ITGAE: variants seen among roughly 807,000 people sequenced by gnomAD.
ITGAE encodes integrin alpha-E.
ITGAE carries 99 observed loss-of-function variants against 136.5 expected under a neutral mutation model. The observed-to-expected ratio is 0.73, with a 90% CI of 0.62 to 0.86. ITGAE has a LOEUF of 0.86. Ranked by LOEUF, ITGAE falls within the 40% of genes least tolerant of loss-of-function variation. The pLI, the probability that ITGAE is intolerant of heterozygous loss-of-function variation, is 0.00. For missense variants in ITGAE, 1,447 were observed against 1,515.3 expected, an observed-to-expected ratio of 0.95 and a Z score of 0.75; for synonymous variants, 613 against 591.8, an observed-to-expected ratio of 1.04 and a Z score of -0.52.
intron 18 of ITGAE, among the ~76,000 whole-genome samples, 199 bp from the exon 19 acceptor site, chr17:3,743,816 C>T (rs2051648075): frequency 6.8e-6 from 1 of 147,900 alleles, no homozygotes; most frequent in Non-Finnish European, 1.5e-5. Context: ...GATTCTCCTA[C>T]CTCAGCCGCC....
chr17:3,718,728 A>C (rs527943790), intron 29 of ITGAE, among the ~76,000 whole-genome samples: 2 of 152,358 alleles, frequency 1.3e-5, no homozygotes, highest in East Asian at 3.9e-4. Context: ...AAATGTGCAC[A>C]TAAGAAACTT....
chr17:3,720,217 C>T, intron 29 of ITGAE, 90 bp downstream of exon 29: 1 of 674,270 alleles, frequency 1.5e-6, no homozygotes, highest in Non-Finnish European at 2.7e-6. Context: ...AGGCTGAAAA[C>T]AGGAAGAGGG....
Position 3,777,678 on chromosome 17 carries a change from G to A in ITGAE, c.35-18C>T. On this transcript the variant is annotated intron_variant, in intron 1 of 30. Coordinates refer to ENST00000263087, the MANE Select transcript of ITGAE (RefSeq NM_002208.5). ...GGCCAGGCCTGTAGGGAAAAGAGGA[G>A]CGTTTAATGAAAGAGGCCTTTTACT... 6.3e-7 allele frequency: 1 copy of A among 1,594,890 alleles called. No individual in the cohort carries two copies. The highest frequency in any genetic ancestry group is 8.5e-7 in the Non-Finnish European group (1 of 1,170,364).
intron 26 of ITGAE, 64 bp from the exon 27 acceptor site, chr17:3,723,808 C>A: frequency 6.3e-7 from 1 of 1,582,216 alleles, no homozygotes; most frequent in South Asian, 1.1e-5. Context: ...CCGTCCCGTC[C>A]CGGCCCCGGC....
intron 20 of ITGAE, among the ~76,000 whole-genome samples, chr17:3,736,125 A>G (rs983932811): frequency 5.9e-5 from 9 of 152,098 alleles, no homozygotes; most frequent in Non-Finnish European, 1.3e-4. Context: ...CCTGGGTGAC[A>G]GCATGAGACT....
At chr17:3,787,834 C>CCCG (rs1451277537) in intron 1 of ITGAE, among the ~76,000 whole-genome samples, 1 of 151,712 alleles carries the variant, frequency 6.6e-6, no homozygotes, top group Non-Finnish European at 1.5e-5. Context: ...ATTACAGATG[C>CCCG]CCGCCACCAC....
intron 1 of ITGAE, among the ~76,000 whole-genome samples, chr17:3,785,506 GGA>G: frequency 7.9e-6 from 1 of 125,840 alleles, no homozygotes; most frequent in African/African-American, 3.7e-5. Context: ...GAGGAAGGAA[GGA>G]AGGAAGGAAG....
At chr17:3,724,660 G>C (rs1224363760) in intron 26 of ITGAE, 1 of 1,614,220 alleles carries the variant, frequency 6.2e-7, no homozygotes, top group Admixed American at 1.7e-5. Flanking sequence ...GCCAGCCTCA[G>C]GTCAGTTCTC....
At chr17:3,749,125 C>T (rs2051794513) in intron 16 of ITGAE, among the ~76,000 whole-genome samples, 1 of 151,272 alleles carries the variant, frequency 6.6e-6, no homozygotes. Context: ...GGAAAAGAGG[C>T]ATCAAAGATG....
At chr17:3,796,121 C>CTG (rs72002948) in intron 1 of ITGAE, among the ~76,000 whole-genome samples, 2,657 of 131,706 alleles carry the variant, frequency 0.02, 154 homozygotes, top group African/African-American at 0.072. Context: ...GTGTGCATCC[C>CTG]TGTGTGTGCA....
At position 3,750,389 on chromosome 17, in the gene ITGAE, T is replaced by C. The variant is rs762633875; in HGVS notation, c.1987A>G (p.Ile663Val). 6.2e-7 allele frequency: 1 copy of C among 1,614,186 alleles called. No individual in the cohort carries two copies. The highest frequency in any genetic ancestry group is 2.2e-5 in the East Asian group (1 of 44,886). The change falls in exon 16 of 31, where the codon ATC (isoleucine) becomes GTC (valine). Residue 663 changes from isoleucine (I) to valine (V), a missense_variant. By Grantham distance (29) the Ile-to-Val change is conservative. This residue lies in a region of ITGAE where 1,031 missense variants were observed against 1,011.4 expected (regional missense o/e 1.02). Transcript: ENST00000263087. ...FDISGDGLAD[I>V]TVGTLGQAVV... Reference sequence around the variant, plus strand: ...GCCTGGCCCAGAGTGCCCACGGTGATGTCGGCAAGGCCGTCGCCACTAATA... The same window carrying C: ...GCCTGGCCCAGAGTGCCCACGGTGACGTCGGCAAGGCCGTCGCCACTAATA...
intron 15 of ITGAE, 140 bp from the exon 16 acceptor site, chr17:3,750,622 GAGCA>G: frequency 1.0e-6 from 1 of 993,366 alleles, no homozygotes. Context: ...AGGAAAGAGG[GAGCA>G]AGCTTTCCCA....
At chr17:3,730,894 T>C (rs1278206434) in intron 23 of ITGAE, among the ~76,000 whole-genome samples, 1 of 152,188 alleles carries the variant, frequency 6.6e-6, no homozygotes, top group Non-Finnish European at 1.5e-5. Flanking sequence ...AGTTTTACTT[T>C]GTGTGTGAAC....
In ITGAE at chr17:3,728,022, T is replaced by C; in HGVS notation, c.2981A>G (p.His994Arg). ...TTCTGCTCCAAAGAGGTTCTCCCCA[T>C]GTACCTGCAAATTAAAATCAGAGTA... ...SHHKEFLFHV[H>R]GENLFGAEYQ... Residue 994 changes from histidine (H) to arginine (R), a missense_variant, in exon 26 of 31, where the codon CAT becomes CGT. Transcript: ENST00000263087. 1.2e-6 allele frequency: 2 copies of C among 1,613,424 alleles called. No homozygotes were observed. Among genetic ancestry groups the C allele is most frequent in the Non-Finnish European group, 1.7e-6 (2 of 1,179,332 alleles).
intron 2 of ITGAE, among the ~76,000 whole-genome samples, chr17:3,770,871 G>A (rs970129570): frequency 1.3e-5 from 2 of 152,142 alleles, no homozygotes; most frequent in Non-Finnish European, 2.9e-5. Flanking sequence ...TGTGAATGTC[G>A]GTGGGACCTG....
intron 1 of ITGAE, among the ~76,000 whole-genome samples, chr17:3,788,726 A>AAAAATAATAATTATTAAAATAATTATTT (rs1567559606): frequency 2.8e-5 from 4 of 143,382 alleles, no homozygotes; most frequent in African/African-American, 1.0e-4. Context: ...ATAATTATTT[A>AAAAATAATAATTATTAAAATAATTATTT]AAAATAATAA....
chr17:3,790,469 T>G (rs2052911225), intron 1 of ITGAE, among the ~76,000 whole-genome samples: 2 of 151,688 alleles, frequency 1.3e-5, no homozygotes, highest in African/African-American at 2.4e-5. Context: ...ATCGCACCAC[T>G]GCACTCCAGC....
intron 1 of ITGAE, among the ~76,000 whole-genome samples, chr17:3,786,153 A>C (rs976371628): frequency 1.3e-4 from 19 of 145,212 alleles, no homozygotes; most frequent in East Asian, 8.1e-4. Context: ...GGTGACAGAG[A>C]GAGACTCCAT....
chr17:3,746,404 G>A (rs907660966), intron 17 of ITGAE, among the ~76,000 whole-genome samples: 12 of 151,938 alleles, frequency 7.9e-5, no homozygotes, highest in Non-Finnish European at 1.3e-4. Flanking sequence ...ACAGCCCATC[G>A]AGCTCTGTGT....
Sources: allele counts gnomAD v4.1 joint callset (sites outside exome capture counted in the v4.1 genomes callset), GRCh38; gene constraint gnomAD v4.1.1; regional missense constraint gnomAD v4.1.1; transcripts MANE v1.5; gene names NCBI Gene and HGNC (gene_info 2026-07-23, HGNC 2026-07-21).